DPYSL3: variants seen among roughly 807,000 people sequenced by gnomAD.
DPYSL3 encodes the protein dihydropyrimidinase-related protein 3.
A neutral mutation model predicts 66.1 loss-of-function variants in DPYSL3; 16 were observed. That is an observed-to-expected ratio of 0.24 (90% CI 0.16 to 0.37). DPYSL3 has a LOEUF of 0.37. Among genes scored for constraint, DPYSL3 ranks in the 10% least tolerant of loss-of-function variants. DPYSL3 has a pLI of 1.00. For synonymous variants in DPYSL3, 338 were observed against 345.1 expected (o/e 0.98, Z 0.23); for missense variants, 738 against 916.2 (o/e 0.81, Z 2.51).
At chr5:147,434,292 G>T (rs956477249) in intron 1 of DPYSL3, among the ~76,000 whole-genome samples, 3 of 152,168 alleles carry the variant, frequency 2.0e-5, no homozygotes, top group African/African-American at 4.8e-5. Flanking sequence ...TCCCTCTTTG[G>T]TCTGGATTTA....
At chr5:147,460,878 T>A (rs1362862945) in intron 1 of DPYSL3, among the ~76,000 whole-genome samples, 1 of 152,122 alleles carries the variant, frequency 6.6e-6, no homozygotes, top group Non-Finnish European at 1.5e-5. Flanking sequence ...TACAAGGTAA[T>A]CTTGACTCCC....
chr5:147,449,190 C>T (rs1752682286), intron 1 of DPYSL3, among the ~76,000 whole-genome samples: 1 of 152,088 alleles, frequency 6.6e-6, no homozygotes, highest in South Asian at 2.1e-4. Flanking sequence ...AGGCCCCCAG[C>T]TTAACTGCTG....
chr5:147,462,918 C>T (rs1282506819), intron 1 of DPYSL3, among the ~76,000 whole-genome samples: 1 of 152,020 alleles, frequency 6.6e-6, no homozygotes, highest in Non-Finnish European at 1.5e-5. Flanking sequence ...CCTTTTGGAC[C>T]CTGGTAAAGA....
At chr5:147,412,770 A>G in intron 5 of DPYSL3, 82 bp from the exon 6 acceptor site, 17 of 1,206,386 alleles carry the variant, frequency 1.4e-5, no homozygotes, top group Non-Finnish European at 1.9e-5. Context: ...AGCCCAAGCT[A>G]AAACAGATGG....
chr5:147,438,015 C>G (rs1013166517), intron 1 of DPYSL3, among the ~76,000 whole-genome samples: 2 of 152,130 alleles, frequency 1.3e-5, no homozygotes, highest in Non-Finnish European at 2.9e-5. Context: ...ATTCATACCA[C>G]ATATCTTAAC....
intron 12 of DPYSL3, 31 bp downstream of exon 12, chr5:147,397,635 T>C: frequency 1.2e-6 from 2 of 1,601,482 alleles, no homozygotes; most frequent in Non-Finnish European, 1.7e-6. Flanking sequence ...ACAAAGCTCC[T>C]GCACCACCTC....
chr5:147,480,193 A>G (rs555141261), intron 1 of DPYSL3, among the ~76,000 whole-genome samples: 4 of 152,360 alleles, frequency 2.6e-5, no homozygotes, highest in Non-Finnish European at 4.4e-5. Context: ...TGTTCCTGCC[A>G]GCATCACTCC....
chr5:147,502,493 G>T, intron 1 of DPYSL3, among the ~76,000 whole-genome samples: 1 of 151,058 alleles, frequency 6.6e-6, no homozygotes, highest in South Asian at 2.1e-4. Context: ...TTTTCTTACT[G>T]CTGATCTCTT....
intron 7 of DPYSL3, among the ~76,000 whole-genome samples, chr5:147,407,035 G>A (rs529341145): frequency 6.6e-6 from 1 of 152,274 alleles, no homozygotes; most frequent in South Asian, 2.1e-4. Context: ...TGGAGCGGCT[G>A]TCTCTATGCC....
intron 1 of DPYSL3, among the ~76,000 whole-genome samples, chr5:147,426,613 G>C (rs1304617238): frequency 2.0e-5 from 3 of 152,120 alleles, no homozygotes; most frequent in Admixed American, 1.3e-4. Flanking sequence ...GGCCAACCAT[G>C]GTCATCATTC....
At chr5:147,481,086 C>A (rs1463508760) in intron 1 of DPYSL3, among the ~76,000 whole-genome samples, 1 of 152,110 alleles carries the variant, frequency 6.6e-6, no homozygotes, top group African/African-American at 2.4e-5. Flanking sequence ...CAAAAAATTT[C>A]ATACGCATTA....
intron 1 of DPYSL3, among the ~76,000 whole-genome samples, chr5:147,433,336 G>A (rs551036901): frequency 2.0e-5 from 3 of 152,174 alleles, no homozygotes; most frequent in African/African-American, 7.2e-5. Context: ...GTGGGGTAGG[G>A]TCAGGTGTAG....
At chr5:147,453,769 A>G (rs994190005) in intron 1 of DPYSL3, 35 of 1,299,686 alleles carry the variant, frequency 2.7e-5, no homozygotes, top group African/African-American at 4.7e-5. Flanking sequence ...CAGAGACAAT[A>G]GTAAATCTCC....
intron 1 of DPYSL3, among the ~76,000 whole-genome samples, chr5:147,436,397 T>A (rs1752415206): frequency 6.6e-6 from 1 of 152,200 alleles, no homozygotes; most frequent in African/African-American, 2.4e-5. Flanking sequence ...ATGATGTAGT[T>A]CTTGTCAAAG....
intron 11 of DPYSL3, among the ~76,000 whole-genome samples, 198 bp downstream of exon 11, chr5:147,398,884 A>C (rs1758078389): frequency 6.6e-6 from 1 of 152,224 alleles, no homozygotes; most frequent in Admixed American, 6.5e-5. Flanking sequence ...GAGTGACTGG[A>C]ATGGGCAGAG....
intron 1 of DPYSL3, among the ~76,000 whole-genome samples, chr5:147,469,620 T>G (rs1581209022): frequency 6.6e-6 from 1 of 152,194 alleles, no homozygotes; most frequent in Admixed American, 6.5e-5. Context: ...AATCAAAAGA[T>G]AGCCAAAAGG....
At chr5:147,480,093 C>A (rs1055776903) in intron 1 of DPYSL3, among the ~76,000 whole-genome samples, 5 of 152,128 alleles carry the variant, frequency 3.3e-5, no homozygotes, top group Non-Finnish European at 5.9e-5. Context: ...TCTTAACCAG[C>A]TAGCTTCCTA....
chr5:147,392,135 A>G lies in DPYSL3; in HGVS notation c.*1900T>C, dbSNP rs1301684331. 1.3e-5 allele frequency: 2 copies of G among 152,206 alleles called. No individual in the cohort carries two copies. The highest frequency in any genetic ancestry group is 4.8e-5 in the African/African-American group (2 of 41,436). The allele number at this position is 152,206 out of a possible 1,614,324, so 9.4% of individuals were successfully genotyped here. Reference sequence around the variant, plus strand: ...GATCTGGCAAACTCTCTCTGCACATAAAACTGTTATTCTTAGTTCTCTGAA... The same window carrying G: ...GATCTGGCAAACTCTCTCTGCACATGAAACTGTTATTCTTAGTTCTCTGAA... On this transcript the variant is annotated 3_prime_UTR_variant, in exon 14 of 14. Coordinates refer to ENST00000343218, the MANE Select transcript of DPYSL3 (RefSeq NM_001197294.2).
chr5:147,508,283 T>C (rs556194480), intron 1 of DPYSL3, among the ~76,000 whole-genome samples: 2 of 152,326 alleles, frequency 1.3e-5, no homozygotes, highest in East Asian at 3.9e-4. Flanking sequence ...TGTCTAAACT[T>C]TCAAAAATCA....
Sources: gnomAD v4.1 joint callset for allele counts (sites outside exome capture counted in the v4.1 genomes callset) on GRCh38, gnomAD v4.1.1 for gene constraint, MANE v1.5 for transcripts, NCBI Gene and HGNC (gene_info 2026-07-23, HGNC 2026-07-21) for gene names.